SHISA6: variants seen among roughly 807,000 people sequenced by gnomAD.
SHISA6 encodes the protein shisa family member 6.
SHISA6 carries 22 observed loss-of-function variants against 47.9 expected under a neutral mutation model. The ratio of observed to expected loss-of-function variants is 0.46; its 90% CI spans 0.33 to 0.66. The LOEUF is 0.66. Ranked by LOEUF, SHISA6 falls within the 30% of genes least tolerant of loss-of-function variation. The pLI, the probability that SHISA6 is intolerant of heterozygous loss-of-function variation, is 0.02. For missense variants in SHISA6, 680 were observed against 764.6 expected, an observed-to-expected ratio of 0.89 and a Z score of 1.30; for synonymous variants, 388 against 337.8, an observed-to-expected ratio of 1.15 and a Z score of -1.63.
intron 3 of SHISA6, among the ~76,000 whole-genome samples, chr17:11,428,144 CCT>C (rs1439967950): frequency 1.3e-5 from 2 of 152,284 alleles, no homozygotes; most frequent in East Asian, 3.9e-4. Context: ...TATTTTATCC[CCT>C]TTTACACACA....
chr17:11,401,336 C>G (rs1913765859), intron 3 of SHISA6, among the ~76,000 whole-genome samples: 1 of 152,192 alleles, frequency 6.6e-6, no homozygotes, highest in Admixed American at 6.5e-5. Context: ...GCTGGGACCA[C>G]AGACACATGC....
intron 2 of SHISA6, among the ~76,000 whole-genome samples, chr17:11,376,516 G>A (rs746300188): frequency 1.7e-3 from 252 of 152,138 alleles, no homozygotes; most frequent in Non-Finnish European, 1.9e-3. Context: ...AGTAAAGACG[G>A]GGTTTTGCCA....
At chr17:11,256,285 C>T (rs1908004636) in intron 1 of SHISA6, among the ~76,000 whole-genome samples, 1 of 152,176 alleles carries the variant, frequency 6.6e-6, no homozygotes, top group Admixed American at 6.5e-5. Context: ...CACCTGAGGT[C>T]AGGAGTTCGA....
chr17:11,524,500 TTTC>T (rs1215530070), intron 3 of SHISA6, among the ~76,000 whole-genome samples: 1 of 149,114 alleles, frequency 6.7e-6, no homozygotes, highest in Non-Finnish European at 1.5e-5. Flanking sequence ...TTTTTTCTTT[TTTC>T]TTTTTTTTTT....
At chr17:11,319,112 T>C (rs997537868) in intron 2 of SHISA6, among the ~76,000 whole-genome samples, 1 of 150,388 alleles carries the variant, frequency 6.6e-6, no homozygotes, top group Non-Finnish European at 1.5e-5. Context: ...GGAGTCTCGC[T>C]CTGTCACCCA....
chr17:11,262,603 G>A (rs1434753252), intron 1 of SHISA6, among the ~76,000 whole-genome samples: 1 of 152,198 alleles, frequency 6.6e-6, no homozygotes, highest in South Asian at 2.1e-4. Context: ...ATGCTGAATC[G>A]TCAGTCAATG....
chr17:11,385,805 G>A (rs953454401), intron 3 of SHISA6, among the ~76,000 whole-genome samples: 2 of 152,090 alleles, frequency 1.3e-5, no homozygotes, highest in Non-Finnish European at 2.9e-5. Context: ...CCAGGCATCA[G>A]GAAACCAGGG....
chr17:11,391,592 C>T (rs1487456205), intron 3 of SHISA6, among the ~76,000 whole-genome samples: 2 of 152,090 alleles, frequency 1.3e-5, no homozygotes, highest in Admixed American at 6.5e-5. Context: ...CGACTGTCCC[C>T]GTTTGTGTGA....
chr17:11,297,129 A>G (rs1045067133), intron 2 of SHISA6, among the ~76,000 whole-genome samples: 8 of 152,096 alleles, frequency 5.3e-5, no homozygotes, highest in Admixed American at 2.0e-4. Flanking sequence ...CTGGGGGCAT[A>G]TGGAATCAAG....
At chr17:11,271,291 A>G (rs1467863223) in intron 2 of SHISA6, among the ~76,000 whole-genome samples, 2 of 152,116 alleles carry the variant, frequency 1.3e-5, no homozygotes, top group Admixed American at 6.5e-5. Context: ...GCTTTTTTCT[A>G]TCACTTAGGT....
chr17:11,352,583 T>C (rs190735734), intron 2 of SHISA6, among the ~76,000 whole-genome samples: 1 of 152,266 alleles, frequency 6.6e-6, no homozygotes, highest in Non-Finnish European at 1.5e-5. Context: ...AGGGTAATGG[T>C]TGGGGGAGCA....
chr17:11,247,995 C>T (rs894325341), intron 1 of SHISA6, among the ~76,000 whole-genome samples: 2 of 152,100 alleles, frequency 1.3e-5, no homozygotes, highest in South Asian at 2.1e-4. Flanking sequence ...AGAATGGTCT[C>T]GATCTCCTGA....
At chr17:11,494,887 A>C (rs1460829627) in intron 3 of SHISA6, among the ~76,000 whole-genome samples, 1 of 152,160 alleles carries the variant, frequency 6.6e-6, no homozygotes, top group Non-Finnish European at 1.5e-5. Flanking sequence ...CAATTACATC[A>C]AAATGTCTGG....
intron 1 of SHISA6, among the ~76,000 whole-genome samples, chr17:11,251,423 GA>G (rs141844888): frequency 0.041 from 5,937 of 144,046 alleles, 162 homozygotes; most frequent in African/African-American, 0.05. Flanking sequence ...TTTTAATTGA[GA>G]AAAAAAAAAA....
intron 3 of SHISA6, among the ~76,000 whole-genome samples, chr17:11,525,677 A>G (rs1169447870): frequency 1.3e-5 from 2 of 150,248 alleles, no homozygotes; most frequent in Non-Finnish European, 3.0e-5. Context: ...GTGTTATAAT[A>G]AACAAGATTA....
At chr17:11,387,897 A>C (rs1913247371) in intron 3 of SHISA6, among the ~76,000 whole-genome samples, 1 of 151,974 alleles carries the variant, frequency 6.6e-6, no homozygotes, top group South Asian at 2.1e-4. Flanking sequence ...CCCACAGCTG[A>C]TCTGATCCAG....
At chr17:11,261,552 T>A (rs1464265106) in intron 1 of SHISA6, among the ~76,000 whole-genome samples, 1 of 152,264 alleles carries the variant, frequency 6.6e-6, no homozygotes, top group African/African-American at 2.4e-5. Context: ...TAACTGGGTA[T>A]GTTACAGAAG....
At chr17:11,363,290 T>C (rs1912346665) in intron 2 of SHISA6, among the ~76,000 whole-genome samples, 1 of 151,834 alleles carries the variant, frequency 6.6e-6, no homozygotes, top group African/African-American at 2.4e-5. Context: ...TCTCTGGGAA[T>C]AGTCTTGCTT....
chr17:11,435,628 G>A (rs1231215816), intron 3 of SHISA6, among the ~76,000 whole-genome samples: 1 of 152,144 alleles, frequency 6.6e-6, no homozygotes, highest in Non-Finnish European at 1.5e-5. Context: ...GAGAATTCCA[G>A]TACCTTGGTT....
Sources: gnomAD v4.1 joint callset for allele counts (sites outside exome capture counted in the v4.1 genomes callset) on GRCh38, gnomAD v4.1.1 for gene constraint, MANE v1.5 for transcripts, NCBI Gene and HGNC (gene_info 2026-07-23, HGNC 2026-07-21) for gene names.